MEGF8: variants seen among roughly 807,000 people sequenced by gnomAD.
MEGF8 encodes multiple EGF like domains 8.
Under a neutral mutation model 302.9 loss-of-function variants are expected in MEGF8, and 156 were observed. The ratio of observed to expected loss-of-function variants is 0.52; its 90% CI spans 0.45 to 0.59. The LOEUF is 0.59. Among genes scored for constraint, MEGF8 ranks in the 20% least tolerant of loss-of-function variants. The pLI, the probability that MEGF8 is intolerant of heterozygous loss-of-function variation, is 0.00. For missense variants in MEGF8, 3,345 were observed against 3,964.5 expected, an observed-to-expected ratio of 0.84 and a Z score of 4.20; for synonymous variants, 1,621 against 1,660.5, an observed-to-expected ratio of 0.98 and a Z score of 0.58.
chr19:42,352,470 G>T lies in MEGF8; in HGVS notation c.3350+14G>T, dbSNP rs1313528177. 6.4e-7 allele frequency: 1 copy of T among 1,572,124 alleles called. No homozygotes were observed. The highest frequency in any genetic ancestry group is 8.7e-7 in the Non-Finnish European group (1 of 1,154,526). ...CTGCAACCGCACGTGAGTGAGGCGG[G>T]GGTTGCTATGGAGATGTTGCCCCAG... On this transcript the variant is annotated intron_variant, in intron 19 of 41. Coordinates refer to ENST00000251268, the MANE Select transcript of MEGF8 (RefSeq NM_001271938.2). The surrounding 1 kb of genome is among the most constrained non-coding windows in gnomAD (Gnocchi z 4.4).
intron 13 of MEGF8, among the ~76,000 whole-genome samples, chr19:42,348,727 G>A (rs1335091723): frequency 6.6e-6 from 1 of 152,158 alleles, no homozygotes; most frequent in Non-Finnish European, 1.5e-5. Context: ...AGCCTCCCAC[G>A]TAGCTGGGAT....
intron 31 of MEGF8, 108 bp downstream of exon 31, chr19:42,359,350 C>A: frequency 9.9e-7 from 1 of 1,009,652 alleles, no homozygotes; most frequent in Non-Finnish European, 1.3e-6. Flanking sequence ...TGCAGACCCA[C>A]TGGCAGAGCT....
At chr19:42,370,147 T>C in intron 38 of MEGF8, 42 bp from the exon 39 acceptor site, 1 of 1,569,216 alleles carries the variant, frequency 6.4e-7, no homozygotes, top group Non-Finnish European at 8.6e-7. Context: ...CTACCCCTGA[T>C]GACTCTCCAG....
At position 42,355,966 on chromosome 19, in the gene MEGF8, G is replaced by A; in HGVS notation, c.4353G>A (p.Glu1451=). The A allele has an allele frequency of 6.2e-7, 1 of 1,612,354 alleles. No individual in the cohort carries two copies. Among genetic ancestry groups the A allele is most frequent in the South Asian group, 1.1e-5 (1 of 90,876 alleles). Residue 1451 remains glutamate, a synonymous_variant, in exon 24 of 42, where the codon GAG becomes GAA. Transcript: ENST00000251268. ...ACTGCCGCATGGCTCTGTGTCCTGA[G>A]AACTGCAATGCCCACACTGGGGCAG... ...GPHCRMALCP[E]NCNAHTGAGT...
intron 4 of MEGF8, 34 bp downstream of exon 4, chr19:42,335,249 G>A (rs2039110015): frequency 1.2e-6 from 2 of 1,613,890 alleles, no homozygotes; most frequent in African/African-American, 1.3e-5. Context: ...GGGATCTGGA[G>A]GCCCGGCAGC....
In MEGF8 at chr19:42,376,381, G is replaced by A. The variant is rs1323040403; in HGVS notation, c.8144G>A (p.Trp2715Ter). 6.2e-7 allele frequency: 1 copy of A among 1,613,178 alleles called. No individual in the cohort carries two copies. ...PPDPTAPASA[W>*]KPAGLPPPAF... The stretch of plus-strand genomic sequence containing the variant: ...GACCCTACTGCCCCGGCCTCCGCCT[G>A]GAAGCCGGCTGGGCTCCCACCTCCC... The change falls in exon 42 of 42, where the codon TGG (tryptophan) becomes TAG (stop). Residue 2715 changes from tryptophan (W) to a stop codon, truncating the protein, a stop_gained. Transcript: ENST00000251268. LOFTEE classifies it high-confidence loss of function. The surrounding 1 kb of genome is among the most constrained non-coding windows in gnomAD (Gnocchi z 8.2).
Position 42,375,575 on chromosome 19 carries a change from G to C in MEGF8, c.7338G>C (p.Ser2446=), listed in dbSNP as rs973495929. Residue 2446 remains serine (S), a synonymous_variant, in exon 42 of 42, where the codon TCG becomes TCC. Coordinates refer to ENST00000251268, the MANE Select transcript of MEGF8 (RefSeq NM_001271938.2). The surrounding 1 kb of genome is among the most constrained non-coding windows in gnomAD (Gnocchi z 7.1). ...GCCAGCAGTGCTACCGCCTCATCTC[G>C]GTGGAGCAGGAGTGCTGCCTGGACC... ...LGGQQCYRLI[S]VEQECCLDPT... is the part of the protein sequence containing the mutation. 6.3e-7 allele frequency: 1 copy of C among 1,596,966 alleles called. No homozygotes were observed. Among genetic ancestry groups the C allele is most frequent in the African/African-American group, 1.3e-5 (1 of 74,518 alleles).
rs541131158 is a variant in MEGF8, at chr19:42,353,225, C to T, written c.3550+98C>T. 55 of 1,188,798 alleles carry T rather than the reference C, an allele frequency of 4.6e-5. 1 individual carries two copies. The African/African-American group carries it at 5.9e-4, about 13-fold the overall frequency. The allele number at this position is 1,188,798 out of a possible 1,614,324, so 73.6% of individuals were successfully genotyped here. On this transcript the variant is annotated intron_variant, in intron 20 of 41. Transcript: ENST00000251268. This position sits in a 1 kb window ranked among gnomAD's most constrained non-coding sequence, Gnocchi z 6.1. The stretch of plus-strand genomic sequence containing the variant: ...TTCTTGGAGGGGGCCTCAGTGTCCT[C>T]TCATGCAGCTCTAGGTCCCCTGCCC...
Position 42,353,981 on chromosome 19 carries a change from C to G in MEGF8, c.3968C>G (p.Pro1323Arg), listed in dbSNP as rs189681080. 1.6e-5 allele frequency: 26 copies of G among 1,582,522 alleles called. No individual in the cohort carries two copies. The highest frequency in any genetic ancestry group is 3.6e-5 in the Admixed American group (2 of 56,284). The change falls in exon 22 of 42, where the codon CCA (proline) becomes CGA (arginine). Residue 1323 changes from proline to arginine, a missense_variant. Pro to Arg is a moderately radical substitution (Grantham distance 103). Transcript: ENST00000251268. The surrounding 1 kb of genome is among the most constrained non-coding windows in gnomAD (Gnocchi z 6.1). ...TGTGCTCCCGGGACCCTCTGTCCCC[C>G]ACTCACCCTCACCTTCTCCCCCGAC... ...QPCAPGTLCP[P>R]LTLTFSPDSS...
chr19:42,362,170 G>T lies in MEGF8; in HGVS notation c.5801G>T (p.Cys1934Phe). The change falls in exon 33 of 42, where the codon TGC becomes TTC. Residue 1934 changes from cysteine to phenylalanine, a missense_variant. Transcript: ENST00000251268. The stretch of plus-strand genomic sequence containing the variant: ...CGACGTCTCCGGACCTGCAGTGAGT[G>T]CCTGGCCCGCCATCCTCGGACCCTG... ...ECRRLRTCSE[C>F]LARHPRTLQP... 1 of 1,610,584 alleles carries T rather than the reference G, an allele frequency of 6.2e-7. No individual in the cohort carries two copies.
intron 1 of MEGF8, among the ~76,000 whole-genome samples, chr19:42,329,820 C>T (rs999403233): frequency 2.0e-5 from 3 of 150,272 alleles, no homozygotes; most frequent in Admixed American, 1.3e-4. Context: ...CTCAGTGAGC[C>T]GAGATTGCGC....
At chr19:42,361,963 C>A in intron 32 of MEGF8, 127 bp from the exon 33 acceptor site, 2 of 1,406,090 alleles carry the variant, frequency 1.4e-6, no homozygotes, top group Admixed American at 2.3e-5. Flanking sequence ...GTGGGGACAG[C>A]CAGGCTCAGG....
At position 42,369,909 on chromosome 19, in the gene MEGF8, G is replaced by T. The variant is rs1398291868; in HGVS notation, c.6834+186G>T. ...GCTGCCTGGGTTTGGATCCCAGAGG[G>T]TCTGCCCTGGAATAGTGGACGGAGT... On this transcript the variant is annotated intron_variant, in intron 38 of 41. Coordinates refer to ENST00000251268, the MANE Select transcript of MEGF8 (RefSeq NM_001271938.2). This position sits in a 1 kb window ranked among gnomAD's most constrained non-coding sequence, Gnocchi z 5.7. 6.6e-6 allele frequency among the ~76,000 whole-genome samples: 1 copy of T among 152,228 alleles called. No individual in the cohort carries two copies. Among genetic ancestry groups the T allele is most frequent in the Non-Finnish European group, 1.5e-5 (1 of 68,040 alleles).
rs1246111531 is a variant in MEGF8 at position 42,350,085 on chromosome 19, A to AGCGCCAGACTCTGACCCCT, written c.2500-60_2500-42dup. ...GGGCTCCAAACCCTTACTTTCAGTTAGCGCCAGACTCTGACCCCTGCCCCA... is the reference window on the plus strand; with the variant it reads ...GGGCTCCAAACCCTTACTTTCAGTTAGCGCCAGACTCTGACCCCTGCGCCAGACTCTGACCCCTGCCCCA... On this transcript the variant is annotated intron_variant, in intron 14 of 41. Transcript: ENST00000251268. 41 of 1,329,612 alleles carry AGCGCCAGACTCTGACCCCT rather than the reference A, an allele frequency of 3.1e-5. No individual in the cohort carries two copies. The East Asian group carries it at 7.9e-4, about 26-fold the overall frequency. The allele number at this position is 1,329,612 out of a possible 1,614,324, so 82.4% of individuals were successfully genotyped here. A position where few individuals can be genotyped will look rare whatever the true frequency, so the allele number is the denominator to read the frequency against.
chr19:42,336,142 T>G lies in MEGF8; in HGVS notation c.1040T>G (p.Leu347Arg), dbSNP rs1342837234. The G allele has an allele frequency of 1.2e-6, 2 of 1,610,252 alleles. No homozygotes were observed. Among genetic ancestry groups the G allele is most frequent in the Non-Finnish European group, 1.7e-6 (2 of 1,179,766 alleles). Reference protein sequence around the residue: ...HAAALVDDVWLYVSGGRTPHD... With the variant: ...HAAALVDDVWRYVSGGRTPHD... ...GCTGCCCTGGTGGATGATGTCTGGC[T>G]ATATGTGTCTGGAGGCCGCACCCCG... Residue 347 changes from leucine (L) to arginine (R), a missense_variant, in exon 6 of 42, where the codon CTA becomes CGA. Coordinates refer to ENST00000251268, the MANE Select transcript of MEGF8 (RefSeq NM_001271938.2). This position sits in a 1 kb window ranked among gnomAD's most constrained non-coding sequence, Gnocchi z 4.8.
intron 35 of MEGF8, among the ~76,000 whole-genome samples, chr19:42,367,280 T>G (rs375371211): frequency 6.6e-6 from 1 of 150,864 alleles, no homozygotes; most frequent in Non-Finnish European, 1.5e-5. Context: ...TTCTTGTCTT[T>G]TCTTTCTTTC....
Position 42,335,994 on chromosome 19 carries a change from C to T in MEGF8, c.892C>T (p.Leu298=). 6.5e-7 allele frequency: 1 copy of T among 1,539,596 alleles called. No individual in the cohort carries two copies. The highest frequency in any genetic ancestry group is 8.7e-7 in the Non-Finnish European group (1 of 1,143,924). Residue 298 remains leucine, a synonymous_variant, in exon 6 of 42, where the codon CTG becomes TTG. Transcript: ENST00000251268. ...AGSLVLMGGE[L]ADGSLTNDVW... ...CTCCCTGGTACTGATGGGTGGTGAGCTGGCTGACGGCTCGCTCACCAACGA... is the reference window on the plus strand; with the variant it reads ...CTCCCTGGTACTGATGGGTGGTGAGTTGGCTGACGGCTCGCTCACCAACGA...
Position 42,359,260 on chromosome 19 carries a change from C to A in MEGF8, c.5488+18C>A. On this transcript the variant is annotated intron_variant, in intron 31 of 41. Coordinates refer to ENST00000251268, the MANE Select transcript of MEGF8 (RefSeq NM_001271938.2). ...CCTCACCCGTAAGTCCCCATTGTGG[C>A]TCCCAGGAGGCTGAGGGACATCCAG... is the stretch of plus-strand genomic sequence containing the variant. 6.5e-7 allele frequency: 1 copy of A among 1,534,156 alleles called. No individual in the cohort carries two copies.
In MEGF8 at chr19:42,368,732, G is replaced by C; in HGVS notation, c.6481+70G>C. 3 of 1,546,034 alleles carry C rather than the reference G, an allele frequency of 1.9e-6. No individual in the cohort carries two copies. The highest frequency in any genetic ancestry group is 2.6e-6 in the Non-Finnish European group (3 of 1,147,562). On this transcript the variant is annotated intron_variant, in intron 36 of 41. Coordinates refer to ENST00000251268, the MANE Select transcript of MEGF8 (RefSeq NM_001271938.2). This position sits in a 1 kb window ranked among gnomAD's most constrained non-coding sequence, Gnocchi z 4.9. ...TGGGGTCTGATACAGTGAACATAGGGATACTGGGCCAGACCCAGAGGTGGG... is the reference window on the plus strand; with the variant it reads ...TGGGGTCTGATACAGTGAACATAGGCATACTGGGCCAGACCCAGAGGTGGG...
Sources: gnomAD v4.1 joint callset for allele counts (sites outside exome capture counted in the v4.1 genomes callset) on GRCh38, gnomAD v4.1.1 for gene constraint, Gnocchi (gnomAD v3.1) non-coding constraint, MANE v1.5 for transcripts, NCBI Gene and HGNC (gene_info 2026-07-23, HGNC 2026-07-21) for gene names.